MCOLN2: variants seen among roughly 807,000 people sequenced by gnomAD.
MCOLN2 encodes the protein mucolipin-2.
A neutral mutation model predicts 67.5 loss-of-function variants in MCOLN2; 57 were observed. That is an observed-to-expected ratio of 0.84 (90% CI 0.68 to 1.05). The LOEUF is 1.05. MCOLN2 is among the 50% of genes least tolerant of loss of function. The pLI, the probability that MCOLN2 is intolerant of heterozygous loss-of-function variation, is 0.00. For missense variants in MCOLN2, 620 were observed against 678.8 expected (o/e 0.91, Z 0.96); for synonymous variants, 246 against 233.3 (o/e 1.05, Z -0.50).
Position 84,940,883 on chromosome 1 carries a change from C to T in MCOLN2, c.956G>A (p.Arg319Gln), listed in dbSNP as rs1242098940. 11 of 1,608,876 alleles carry T rather than the reference C, an allele frequency of 6.8e-6. No homozygotes were observed. The highest frequency in any genetic ancestry group is 3.4e-5 in the Admixed American group (2 of 59,606). ...TRSIVLALRL[R>Q]KRFLNFFLEK... ...AGAATGCGAACACACTCTTACCTTCCGTAACCTTAGAGCAAGAACAATGGA... is the reference window on the plus strand; with the variant it reads ...AGAATGCGAACACACTCTTACCTTCTGTAACCTTAGAGCAAGAACAATGGA... The change falls in exon 8 of 14, where the codon CGG becomes CAG. Residue 319 changes from arginine (R) to glutamine (Q), a missense_variant. By Grantham distance (43) the Arg-to-Gln change is conservative. Coordinates refer to ENST00000370608, the MANE Select transcript of MCOLN2 (RefSeq NM_153259.4).
intron 1 of MCOLN2, among the ~76,000 whole-genome samples, chr1:84,986,338 C>T (rs568622668): frequency 1.3e-5 from 2 of 152,106 alleles, no homozygotes; most frequent in East Asian, 1.9e-4. Flanking sequence ...GTTGGGAGTT[C>T]AAGACCAGCC....
chr1:84,946,989 A>G (rs1036006161), intron 7 of MCOLN2, 44 bp downstream of exon 7: 5 of 955,392 alleles, frequency 5.2e-6, no homozygotes, highest in African/African-American at 1.6e-5. Flanking sequence ...TAAAGTGTTA[A>G]AAATCATCTA....
intron 13 of MCOLN2, among the ~76,000 whole-genome samples, chr1:84,928,817 T>C (rs1661275863): frequency 6.6e-6 from 1 of 152,192 alleles, no homozygotes; most frequent in Non-Finnish European, 1.5e-5. Flanking sequence ...ATGCATCCTG[T>C]GGTTTTAAAT....
chr1:84,972,024 T>C (rs1303905197), intron 1 of MCOLN2: 1 of 152,188 alleles, frequency 6.6e-6, no homozygotes, highest in Non-Finnish European at 1.5e-5. Flanking sequence ...AATGTGCCAC[T>C]GGACTCCAAC....
chr1:84,950,609 C>T (rs1648371506), intron 6 of MCOLN2, among the ~76,000 whole-genome samples: 1 of 152,136 alleles, frequency 6.6e-6, no homozygotes, highest in South Asian at 2.1e-4. Context: ...TCATTTAAAT[C>T]ATTTACAGTT....
At chr1:84,975,527 T>A (rs891882447) in intron 1 of MCOLN2, among the ~76,000 whole-genome samples, 2 of 152,160 alleles carry the variant, frequency 1.3e-5, no homozygotes, top group South Asian at 4.1e-4. Context: ...GCCCAAGTCC[T>A]TTCAAATATC....
chr1:84,974,520 T>G (rs1344389142), intron 1 of MCOLN2, among the ~76,000 whole-genome samples: 1 of 151,956 alleles, frequency 6.6e-6, no homozygotes, highest in Non-Finnish European at 1.5e-5. Flanking sequence ...GCAACACTTC[T>G]AGGCACACCC....
At chr1:84,955,715 G>A (rs886425287) in intron 4 of MCOLN2, among the ~76,000 whole-genome samples, 1 of 151,360 alleles carries the variant, frequency 6.6e-6, no homozygotes, top group South Asian at 2.1e-4. Flanking sequence ...GTAGTGGCTT[G>A]GATGACAGTG....
Position 84,958,596 on chromosome 1 carries a change from T to C in MCOLN2, c.344A>G (p.Asp115Gly). 1 of 1,611,508 alleles carries C rather than the reference T, an allele frequency of 6.2e-7. No individual in the cohort carries two copies. The highest frequency in any genetic ancestry group is 8.5e-7 in the Non-Finnish European group (1 of 1,179,460). ...FLKGYSGTDE[D>G]DYSCSVYTQE... ...AGTATATACACTGCAGCTGTAGTCA[T>C]CTTCATCTGTACCAGAATATCCTTT... The change falls in exon 3 of 14, where the codon GAT becomes GGT. Residue 115 changes from aspartate (D) to glycine (G), a missense_variant. By Grantham distance (94) the Asp-to-Gly change is moderately conservative (BLOSUM62 -1). Transcript: ENST00000370608.
rs138090653 is a variant in MCOLN2 at position 84,937,250 on chromosome 1, A to G, written c.1335+505T>C. Among the ~76,000 whole-genome samples, 17 of 152,346 alleles carry G rather than the reference A, an allele frequency of 1.1e-4. No individual in the cohort carries two copies. The East Asian group carries it at 2.9e-3, about 26-fold the overall frequency. ...TTTAGAATTCAGATACTGATCTTTA[A>G]TAAGGCAGAAAGATGATGCTGTAAT... is the stretch of plus-strand genomic sequence containing the variant. On this transcript the variant is annotated intron_variant, in intron 11 of 13. Transcript: ENST00000370608.
At chr1:84,967,740 G>GGAGGGAGGGAGGGAAGGAGAAAAAGA (rs1557654029) in intron 1 of MCOLN2, among the ~76,000 whole-genome samples, 1 of 132,840 alleles carries the variant, frequency 7.5e-6, no homozygotes, top group Non-Finnish European at 1.6e-5. Context: ...AAGGAGAGAG[G>GGAGGGAGGGAGGGAAGGAGAAAAAGA]GAGGGAGGGA....
chr1:84,952,571 G>C, intron 4 of MCOLN2, 41 bp from the exon 5 acceptor site: 2 of 1,318,416 alleles, frequency 1.5e-6, no homozygotes, highest in Non-Finnish European at 2.2e-6. Context: ...TTTCAGGCAA[G>C]AATTAGGTGC....
intron 1 of MCOLN2, among the ~76,000 whole-genome samples, chr1:84,968,760 C>T (rs1014475585): frequency 4.6e-5 from 7 of 152,208 alleles, no homozygotes; most frequent in African/African-American, 1.7e-4. Context: ...ATCTTCCCCA[C>T]CTTGCTGTGT....
intron 7 of MCOLN2, among the ~76,000 whole-genome samples, chr1:84,946,411 T>C (rs1347204019): frequency 6.6e-6 from 1 of 152,256 alleles, no homozygotes; most frequent in African/African-American, 2.4e-5. Flanking sequence ...CTTTGCTTTA[T>C]ATACTAATTC....
intron 9 of MCOLN2, among the ~76,000 whole-genome samples, chr1:84,939,130 A>G (rs1172843813): frequency 2.0e-5 from 3 of 152,138 alleles, no homozygotes; most frequent in Non-Finnish European, 4.4e-5. Flanking sequence ...AGATCAAATC[A>G]ACTAAGTTAT....
intron 2 of MCOLN2, among the ~76,000 whole-genome samples, chr1:84,963,733 G>A (rs977949816): frequency 2.6e-5 from 4 of 152,042 alleles, no homozygotes; most frequent in East Asian, 1.9e-4. Context: ...CTTCCTCCTC[G>A]CCTTCCCCCA....
intron 12 of MCOLN2, 90 bp downstream of exon 12, chr1:84,931,272 A>G (rs773653255): frequency 8.1e-6 from 7 of 860,586 alleles, no homozygotes; most frequent in Admixed American, 2.3e-5. Context: ...CTGAACTGTA[A>G]TATTTTAAGT....
intron 1 of MCOLN2, among the ~76,000 whole-genome samples, chr1:84,992,673 A>AT (rs1355756755): frequency 3.9e-5 from 6 of 152,186 alleles, no homozygotes; most frequent in Admixed American, 1.3e-4. Flanking sequence ...AGTCACACAA[A>AT]TTTTTTGGTT....
chr1:84,971,177 T>C (rs1408193249), intron 1 of MCOLN2, among the ~76,000 whole-genome samples: 1 of 152,000 alleles, frequency 6.6e-6, no homozygotes. Flanking sequence ...CAAGAGTACA[T>C]GAGCCAACTA....
Sources: gnomAD v4.1 joint callset for allele counts (sites outside exome capture counted in the v4.1 genomes callset) on GRCh38, gnomAD v4.1.1 for gene constraint, MANE v1.5 for transcripts, NCBI Gene and HGNC (gene_info 2026-07-23, HGNC 2026-07-21) for gene names.